The following CEP83 variants were observed in gnomAD, a reference collection of about 807,000 sequenced individuals.
CEP83 encodes centrosomal protein 83.
CEP83 carries 70 observed loss-of-function variants against 101.9 expected under a neutral mutation model. The ratio of observed to expected loss-of-function variants is 0.69; its 90% CI spans 0.57 to 0.84. The LOEUF (loss-of-function observed/expected upper bound fraction) is 0.84. Among genes scored for constraint, CEP83 ranks in the 40% least tolerant of loss-of-function variants. The pLI, the probability that CEP83 is intolerant of heterozygous loss-of-function variation, is 0.00. For missense variants in CEP83, 715 were observed against 787.2 expected, an observed-to-expected ratio of 0.91 and a Z score of 1.10; for synonymous variants, 264 against 267.9, an observed-to-expected ratio of 0.99 and a Z score of 0.14.
chr12:94,381,769 TATAAG>T (rs1310120784), intron 6 of CEP83, among the ~76,000 whole-genome samples: 2 of 152,164 alleles, frequency 1.3e-5, no homozygotes. Context: ...TGTTCCTCTG[TATAAG>T]ATGTCTTTTC....
rs76295231 is a variant in CEP83 at position 94,416,796 on chromosome 12, A to C, written c.-101-4205T>G. Reference sequence around the variant, plus strand: ...AAAACCTAAACTTTCACCCCCCACCAAGAGTAACAAAGAGGACCTCCCTCA... The same window carrying C: ...AAAACCTAAACTTTCACCCCCCACCCAGAGTAACAAAGAGGACCTCCCTCA... On this transcript the variant is annotated intron_variant, in intron 2 of 16. Coordinates refer to ENST00000397809, the MANE Select transcript of CEP83 (RefSeq NM_016122.3). Among the ~76,000 whole-genome samples, 930 of 151,956 alleles carry C rather than the reference A, an allele frequency of 6.1e-3. 14 individuals carry two copies. Among genetic ancestry groups the C allele is most frequent in the African/African-American group, 0.021 (885 of 41,450 alleles).
intron 6 of CEP83, among the ~76,000 whole-genome samples, chr12:94,382,486 T>C (rs1162870379): frequency 6.6e-6 from 1 of 151,864 alleles, no homozygotes; most frequent in Non-Finnish European, 1.5e-5. Context: ...TAAATGTTTC[T>C]TGGCACTGCT....
chr12:94,364,215 T>C (rs1298629904), intron 11 of CEP83, among the ~76,000 whole-genome samples: 3 of 152,194 alleles, frequency 2.0e-5, no homozygotes, highest in African/African-American at 7.2e-5. Flanking sequence ...ATGTATTCAA[T>C]ACCACTGAAT....
the CEP83 span, chr12:94,272,316 A>C: frequency 1.3e-5 from 2 of 152,216 alleles, no homozygotes; most frequent in African/African-American, 4.8e-5. Context: ...TCTTGTCCTC[A>C]TATTCTAAGT....
downstream of CEP83, among the ~76,000 whole-genome samples, chr12:94,302,452 T>G (rs1593017677): frequency 6.6e-6 from 1 of 152,340 alleles, no homozygotes; most frequent in East Asian, 1.9e-4. Context: ...ATATGCCTAC[T>G]TTGTGAACTT....
intron 1 of CEP83, among the ~76,000 whole-genome samples, chr12:94,438,072 ACC>A (rs2066125271): frequency 6.6e-6 from 1 of 151,982 alleles, no homozygotes; most frequent in East Asian, 1.9e-4. Flanking sequence ...CAAAAAAATT[ACC>A]CAGGCATGGT....
At chr12:94,406,619 GGATAGA>G (rs1281438928) in intron 4 of CEP83, among the ~76,000 whole-genome samples, 1 of 152,012 alleles carries the variant, frequency 6.6e-6, no homozygotes. Context: ...TGAACATGTT[GGATAGA>G]GATAAAAAGA....
intron 14 of CEP83, 137 bp from the exon 15 acceptor site, chr12:94,313,154 AGACATG>A: frequency 2.2e-6 from 1 of 445,172 alleles, no homozygotes; most frequent in Non-Finnish European, 3.9e-6. Context: ...AAAGGTTAGT[AGACATG>A]GCTCTTACTG....
chr12:94,456,027 G>A (rs1421525356), intron 1 of CEP83, among the ~76,000 whole-genome samples: 6 of 146,828 alleles, frequency 4.1e-5, no homozygotes, highest in Non-Finnish European at 7.4e-5. Flanking sequence ...CAGCCTGGGC[G>A]ACAGAGCAAA....
chr12:94,286,250 T>C, the CEP83 span, among the ~76,000 whole-genome samples: 391 of 152,302 alleles, frequency 2.6e-3, 2 homozygotes, highest in African/African-American at 8.8e-3. Context: ...ATTCTCCTTA[T>C]GTTTAAAAAG....
downstream of CEP83, chr12:94,304,056 G>A: frequency 6.8e-7 from 1 of 1,478,016 alleles, no homozygotes; most frequent in Non-Finnish European, 9.4e-7. Context: ...GATGAGGTAA[G>A]ATTTTAAATA....
rs867038821 is a variant in CEP83, at chr12:94,372,939, A to G, written c.934-2903T>C. On this transcript the variant is annotated intron_variant, in intron 8 of 16. Coordinates refer to ENST00000397809, the MANE Select transcript of CEP83 (RefSeq NM_016122.3). ...ATATGAACACTGTTAATTTCCTAAA[A>G]ATATACTAAAAGGAATTTTACTTAA... is the stretch of plus-strand genomic sequence containing the variant. Among the ~76,000 whole-genome samples the G allele has an allele frequency of 3.0e-4, 46 of 152,202 alleles. 1 individual carries two copies. Among genetic ancestry groups the G allele is most frequent in the African/African-American group, 1.1e-3 (45 of 41,452 alleles).
At chr12:94,412,900 T>G (rs1449356231) in intron 2 of CEP83, among the ~76,000 whole-genome samples, 1 of 151,750 alleles carries the variant, frequency 6.6e-6, no homozygotes, top group Non-Finnish European at 1.5e-5. Flanking sequence ...TCGCCCAGGC[T>G]GGAGTACAGT....
At chr12:94,305,343 G>A (rs999363501), downstream of CEP83, 4 of 972,106 alleles carry the variant, frequency 4.1e-6, no homozygotes, top group Admixed American at 4.0e-5. Context: ...GGAGCAAAAT[G>A]GCTGCTTGAG....
At chr12:94,267,897 C>T in the CEP83 span, among the ~76,000 whole-genome samples, 1 of 152,236 alleles carries the variant, frequency 6.6e-6, no homozygotes, top group East Asian at 1.9e-4. Context: ...TACACCCAGC[C>T]ATTTTAGGAC....
At chr12:94,340,478 C>G (rs1003802458) in intron 11 of CEP83, among the ~76,000 whole-genome samples, 47 of 151,902 alleles carry the variant, frequency 3.1e-4, no homozygotes, top group African/African-American at 1.1e-3. Flanking sequence ...ACTCTGTCAC[C>G]CAGGCTGGAG....
chr12:94,421,226 T>C (rs1458206898), intron 2 of CEP83, among the ~76,000 whole-genome samples: 1 of 151,994 alleles, frequency 6.6e-6, no homozygotes, highest in African/African-American at 2.4e-5. Context: ...TATTTTAATT[T>C]TTATTTTTAT....
chr12:94,362,965 T>C (rs75723758), intron 11 of CEP83, among the ~76,000 whole-genome samples: 13,579 of 152,284 alleles, frequency 0.089, 742 homozygotes, highest in Middle Eastern at 0.12. Context: ...CTCACTCACA[T>C]GTGTAAGCTA....
At chr12:94,293,902 G>A in the CEP83 span, among the ~76,000 whole-genome samples, 7 of 152,214 alleles carry the variant, frequency 4.6e-5, no homozygotes, top group African/African-American at 1.2e-4. Context: ...TCGCAGGAGT[G>A]AGGCACCACG....
Sources: gnomAD v4.1 joint callset for allele counts (sites outside exome capture counted in the v4.1 genomes callset) on GRCh38, gnomAD v4.1.1 for gene constraint, MANE v1.5 for transcripts, NCBI Gene and HGNC (gene_info 2026-07-23, HGNC 2026-07-21) for gene names.